The following PTPRO variants were observed in gnomAD, a reference collection of about 807,000 sequenced individuals.
The protein encoded by PTPRO is protein tyrosine phosphatase receptor type O.
In PTPRO, 62 loss-of-function variants were observed where a neutral mutation model predicts 145.2. The ratio of observed to expected loss-of-function variants is 0.43; its 90% confidence interval spans 0.35 to 0.53. The LOEUF is 0.53. Ranked by LOEUF, PTPRO falls within the 20% of genes least tolerant of loss-of-function variation. The probability of loss-of-function intolerance (pLI) is 0.01; values close to 1 mark genes in which losing one functional copy is unlikely to be tolerated. For synonymous variants in PTPRO, 565 were observed against 514.7 expected, an observed-to-expected ratio of 1.10 and a Z score of -1.32; for missense variants, 1,345 against 1,482.7, an observed-to-expected ratio of 0.91 and a Z score of 1.53.
At chr12:15,363,255 G>T (rs2136246508) in intron 1 of PTPRO, among the ~76,000 whole-genome samples, 1 of 152,236 alleles carries the variant, frequency 6.6e-6, no homozygotes, top group Admixed American at 6.5e-5. Flanking sequence ...CCTTAGTTTT[G>T]CAAGACTTTG....
At chr12:15,462,317 G>C (rs1278233615) in intron 1 of PTPRO, among the ~76,000 whole-genome samples, 1 of 151,944 alleles carries the variant, frequency 6.6e-6, no homozygotes, top group African/African-American at 2.4e-5. Context: ...GTAGAGACCG[G>C]GTTTCACCAC....
chr12:15,513,982 G>A (rs1942520918), intron 7 of PTPRO, among the ~76,000 whole-genome samples: 1 of 152,108 alleles, frequency 6.6e-6, no homozygotes, highest in Admixed American at 6.5e-5. Context: ...TTTCCACCAA[G>A]CAATACTGTC....
intron 18 of PTPRO, among the ~76,000 whole-genome samples, chr12:15,565,926 C>A (rs987878115): frequency 6.6e-6 from 1 of 152,096 alleles, no homozygotes; most frequent in African/African-American, 2.4e-5. Flanking sequence ...ATTCTAAATA[C>A]AGTATATGAA....
chr12:15,449,786 C>A (rs540641328), intron 1 of PTPRO, among the ~76,000 whole-genome samples: 12 of 152,138 alleles, frequency 7.9e-5, no homozygotes, highest in Non-Finnish European at 1.2e-4. Context: ...TACAGTAGGG[C>A]AAATTGAGTA....
In PTPRO at chr12:15,445,669, TTACTTTTATTTATTTTA is replaced by T. The variant is rs151045748; in HGVS notation, c.76-38302_76-38286del. Among the ~76,000 whole-genome samples the T allele has an allele frequency of 5.2e-3, 798 of 152,302 alleles. 38 individuals are homozygous for T. The East Asian group carries it at 0.14, about 26-fold the overall frequency. ...GCTTACACTAAATGGTGGATAATCATTACTTTTATTTATTTTATAAAAATGTAGTTTGGTATCTCCAT... is the reference window on the plus strand; with the variant it reads ...GCTTACACTAAATGGTGGATAATCATTAAAAATGTAGTTTGGTATCTCCAT... On this transcript the variant is annotated intron_variant, in intron 1 of 26. Transcript: ENST00000281171.
chr12:15,362,369 T>C (rs905381078), intron 1 of PTPRO, among the ~76,000 whole-genome samples: 1 of 152,336 alleles, frequency 6.6e-6, no homozygotes, highest in African/African-American at 2.4e-5. Context: ...CAGAGCTACA[T>C]GTCAGGTTTT....
At chr12:15,578,615 G>A (rs897357261) in intron 19 of PTPRO, among the ~76,000 whole-genome samples, 43 of 152,182 alleles carry the variant, frequency 2.8e-4, no homozygotes, top group African/African-American at 8.9e-4. Context: ...TAGATGGCAG[G>A]CACACAAGAG....
chr12:15,527,875 A>ACCCCCCCCCCCACCCCCCC (rs1555173370), intron 12 of PTPRO, among the ~76,000 whole-genome samples: 1 of 137,646 alleles, frequency 7.3e-6, no homozygotes, highest in African/African-American at 2.8e-5. Flanking sequence ...GGGAACTGTG[A>ACCCCCCCCCCCACCCCCCC]CCCGCCCACG....
intron 1 of PTPRO, among the ~76,000 whole-genome samples, chr12:15,349,435 G>A (rs1434367892): frequency 6.6e-6 from 1 of 152,164 alleles, no homozygotes; most frequent in East Asian, 1.9e-4. Flanking sequence ...CTGCAAATGG[G>A]GAATGGAAGA....
chr12:15,535,607 T>C (rs1943051539), intron 12 of PTPRO, among the ~76,000 whole-genome samples: 1 of 152,248 alleles, frequency 6.6e-6, no homozygotes. Context: ...CTTAGAGAAA[T>C]GTGACACGCT....
Position 15,520,805 on chromosome 12 carries a change from A to C in PTPRO, c.1891+493A>C, listed in dbSNP as rs117540153. 1.4e-3 allele frequency among the ~76,000 whole-genome samples: 209 copies of C among 152,314 alleles called. No homozygotes were observed. The East Asian group carries it at 0.033, about 24-fold the overall frequency. The stretch of plus-strand genomic sequence containing the variant: ...TTTGAATAGACCCTCCGCATACCAC[A>C]TATAACCTTGAGCACGTTAACTTTT... On this transcript the variant is annotated intron_variant, in intron 10 of 26. Coordinates refer to ENST00000281171, the MANE Select transcript of PTPRO (RefSeq NM_030667.3).
intron 12 of PTPRO, among the ~76,000 whole-genome samples, chr12:15,539,748 T>G (rs11056551): frequency 0.3 from 32,129 of 108,256 alleles, 4,438 homozygotes; most frequent in Middle Eastern, 0.52. Context: ...GGTGACAGAC[T>G]GAGACTCTGT....
chr12:15,359,004 T>A (rs1362719487), intron 1 of PTPRO, among the ~76,000 whole-genome samples: 1 of 152,240 alleles, frequency 6.6e-6, no homozygotes, highest in Non-Finnish European at 1.5e-5. Flanking sequence ...GTTTACATAA[T>A]TGTGCACTCA....
intron 1 of PTPRO, among the ~76,000 whole-genome samples, chr12:15,439,320 C>T (rs930661475): frequency 6.6e-6 from 1 of 152,164 alleles, no homozygotes; most frequent in Non-Finnish European, 1.5e-5. Context: ...CGCAAAAACA[C>T]ACTTAAGTAC....
At chr12:15,444,967 A>G (rs1282532836) in intron 1 of PTPRO, among the ~76,000 whole-genome samples, 1 of 152,114 alleles carries the variant, frequency 6.6e-6, no homozygotes, top group East Asian at 1.9e-4. Context: ...TTGTCTCTCA[A>G]TGGGTTCTAT....
At chr12:15,412,828 C>T (rs61908003) in intron 1 of PTPRO, among the ~76,000 whole-genome samples, 1,926 of 152,318 alleles carry the variant, frequency 0.013, 21 homozygotes, top group South Asian at 0.038. Context: ...GACTCTCACT[C>T]TGTCTCCAAG....
Position 15,409,867 on chromosome 12 carries a change from G to T in PTPRO, c.76-74107G>T, listed in dbSNP as rs139592775. On this transcript the variant is annotated intron_variant, in intron 1 of 26. Coordinates refer to ENST00000281171, the MANE Select transcript of PTPRO (RefSeq NM_030667.3). ...TCTACCCCCATGACCCAATCACCTC[G>T]CACCAGGCGCTATCTCCAGCATTGG... Among the ~76,000 whole-genome samples the T allele has an allele frequency of 5.5e-3, 833 of 152,270 alleles. 3 individuals carry two copies. The highest frequency in any genetic ancestry group is 0.044 in the South Asian group (213 of 4,824).
chr12:15,473,843 T>C (rs572091080), intron 1 of PTPRO, among the ~76,000 whole-genome samples: 1 of 148,882 alleles, frequency 6.7e-6, no homozygotes, highest in East Asian at 2.0e-4. Context: ...GAAATACAAC[T>C]AGTATTTATT....
At chr12:15,415,229 C>T (rs1474895228) in intron 1 of PTPRO, among the ~76,000 whole-genome samples, 3 of 152,092 alleles carry the variant, frequency 2.0e-5, no homozygotes, top group African/African-American at 4.8e-5. Flanking sequence ...GCTACCTCCC[C>T]CCCAAAAAAA....
Sources: allele counts gnomAD v4.1 joint callset (sites outside exome capture counted in the v4.1 genomes callset), GRCh38; gene constraint gnomAD v4.1.1; transcripts MANE v1.5; gene names NCBI Gene and HGNC (gene_info 2026-07-23, HGNC 2026-07-21).